Variants in CCBE1 observed in about 807,000 individuals in gnomAD.
CCBE1 encodes collagen and calcium-binding EGF domain-containing protein 1.
CCBE1 carries 37 observed loss-of-function variants against 50.0 expected under a neutral mutation model. The ratio of observed to expected loss-of-function variants is 0.74; its 90% CI spans 0.57 to 0.97. The LOEUF (loss-of-function observed/expected upper bound fraction) is 0.97, where lower values mean the gene tolerates loss of function less well. Among genes scored for constraint, CCBE1 ranks in the 50% least tolerant of loss-of-function variants. The pLI is 0.00. For synonymous variants in CCBE1, 234 were observed against 203.7 expected (o/e 1.15, Z -1.27); for missense variants, 538 against 523.8 (o/e 1.03, Z -0.26).
chr18:59,487,735 T>G (rs1040883411), intron 2 of CCBE1, among the ~76,000 whole-genome samples: 22 of 152,224 alleles, frequency 1.4e-4, no homozygotes, highest in Admixed American at 2.0e-4. Flanking sequence ...CATAACTTGC[T>G]AACACGTACA....
chr18:59,657,009 G>A lies in CCBE1; in HGVS notation c.212+39620C>T, dbSNP rs185444327. ...ATTCATCCCCTGGGAGCAATGGAAT[G>A]GACAGGCCAGGACCCCAGAATGTCT... On this transcript the variant is annotated intron_variant, in intron 2 of 10. Transcript: ENST00000439986. 2.1e-3 allele frequency among the ~76,000 whole-genome samples: 314 copies of A among 152,290 alleles called. 3 individuals carry two copies. Among genetic ancestry groups the A allele is most frequent in the African/African-American group, 7.2e-3 (299 of 41,560 alleles).
At chr18:59,536,842 A>G (rs375475544) in intron 2 of CCBE1, among the ~76,000 whole-genome samples, 5 of 152,136 alleles carry the variant, frequency 3.3e-5, no homozygotes, top group African/African-American at 1.2e-4. Flanking sequence ...GCAAAAAAAC[A>G]TTAGCTGGGC....
intron 2 of CCBE1, among the ~76,000 whole-genome samples, chr18:59,508,152 A>G (rs1275233849): frequency 6.6e-6 from 1 of 151,630 alleles, no homozygotes; most frequent in East Asian, 2.0e-4. Flanking sequence ...CGGCCTCCCA[A>G]AGTGCTGGGA....
chr18:59,539,530 AC>A (rs2144377113), intron 2 of CCBE1, among the ~76,000 whole-genome samples: 1 of 150,432 alleles, frequency 6.6e-6, no homozygotes, highest in Admixed American at 6.7e-5. Flanking sequence ...CAAATTGCTC[AC>A]CAACAGAAAC....
At chr18:59,691,490 C>T (rs2054732363) in intron 2 of CCBE1, among the ~76,000 whole-genome samples, 1 of 152,344 alleles carries the variant, frequency 6.6e-6, no homozygotes, top group African/African-American at 2.4e-5. Flanking sequence ...ACCACAACCT[C>T]CGCCTCCCAG....
At chr18:59,547,072 G>GGAGAGAAA (rs1915723710) in intron 2 of CCBE1, among the ~76,000 whole-genome samples, 2 of 61,702 alleles carry the variant, frequency 3.2e-5, no homozygotes, top group African/African-American at 9.2e-5. Context: ...GGGGAGAGAG[G>GGAGAGAAA]GGGAGAGAAA....
At chr18:59,533,144 C>T (rs1237811165) in intron 2 of CCBE1, among the ~76,000 whole-genome samples, 1 of 152,070 alleles carries the variant, frequency 6.6e-6, no homozygotes, top group Non-Finnish European at 1.5e-5. Context: ...TATGTTCAAA[C>T]AAAATCTTTA....
intron 2 of CCBE1, among the ~76,000 whole-genome samples, chr18:59,546,172 A>G (rs1358507182): frequency 6.6e-6 from 1 of 152,186 alleles, no homozygotes; most frequent in Non-Finnish European, 1.5e-5. Flanking sequence ...ATATTTGTAG[A>G]TTTTCCAATG....
intron 2 of CCBE1, among the ~76,000 whole-genome samples, chr18:59,650,890 T>A (rs1219093140): frequency 2.6e-5 from 4 of 151,706 alleles, no homozygotes; most frequent in Non-Finnish European, 2.9e-5. Context: ...AAACAAAGAT[T>A]CCTTTCCTGG....
intron 2 of CCBE1, among the ~76,000 whole-genome samples, chr18:59,483,043 A>C (rs534590378): frequency 5.2e-4 from 79 of 152,150 alleles, no homozygotes; most frequent in Non-Finnish European, 3.5e-4. Flanking sequence ...TGTCACCTAC[A>C]GCCTATCATG....
At chr18:59,472,645 A>G (rs1342040318) in intron 3 of CCBE1, among the ~76,000 whole-genome samples, 1 of 152,222 alleles carries the variant, frequency 6.6e-6, no homozygotes, top group Non-Finnish European at 1.5e-5. Context: ...CCCAGCCTAC[A>G]GCTGCCTCCA....
Position 59,477,328 on chromosome 18 carries a change from C to T in CCBE1, c.265+2858G>A, listed in dbSNP as rs113780811. 3.3e-3 allele frequency among the ~76,000 whole-genome samples: 502 copies of T among 152,292 alleles called. 4 individuals are homozygous for T. The highest frequency in any genetic ancestry group is 6.8e-3 in the Middle Eastern group (2 of 294). ...TTCAGGCAGGGCTAACGTCTCAGAT[C>T]CTTCAGGAATGAAGGTGTGGGTCAC... On this transcript the variant is annotated intron_variant, in intron 3 of 10. Transcript: ENST00000439986.
Position 59,491,835 on chromosome 18 carries a change from C to CAAACAAACA in CCBE1, c.213-11598_213-11597insTGTTTGTTT, listed in dbSNP as rs71177029. Among the ~76,000 whole-genome samples, 375 of 148,724 alleles carry CAAACAAACA rather than the reference C, an allele frequency of 2.5e-3. 1 individual carries two copies. Among genetic ancestry groups the CAAACAAACA allele is most frequent in the African/African-American group, 8.8e-3 (355 of 40,568 alleles). ...GTCTCCAAACAAACAAACAAACAAA[C>CAAACAAACA]AAAAAAAAACGTTTCATGGTCTATT... On this transcript the variant is annotated intron_variant, in intron 2 of 10. Transcript: ENST00000439986.
chr18:59,451,945 CCTTT>C lies in CCBE1; in HGVS notation c.654+2902_654+2905del, dbSNP rs1052743874. Among the ~76,000 whole-genome samples the C allele has an allele frequency of 5.4e-3, 599 of 111,780 alleles. 4 individuals are homozygous for C. Among genetic ancestry groups the C allele is most frequent in the African/African-American group, 0.019 (562 of 28,844 alleles). 73.3% of individuals were successfully genotyped at this position (111,780 alleles called of 152,430 possible). ...CTCTTCCCCAACAAGTCACCACTTTCCTTTCATAGTAATAACTTCCTATGTTTTA... is the reference window on the plus strand; with the variant it reads ...CTCTTCCCCAACAAGTCACCACTTTCCATAGTAATAACTTCCTATGTTTTA... On this transcript the variant is annotated intron_variant, in intron 6 of 10. Coordinates refer to ENST00000439986, the MANE Select transcript of CCBE1 (RefSeq NM_133459.4).
chr18:59,601,646 C>T (rs1164041732), intron 2 of CCBE1, among the ~76,000 whole-genome samples: 2 of 152,208 alleles, frequency 1.3e-5, no homozygotes, highest in Non-Finnish European at 2.9e-5. Flanking sequence ...GAACCACCCA[C>T]CTTGATCTCC....
intron 2 of CCBE1, among the ~76,000 whole-genome samples, chr18:59,590,116 C>T (rs1168759182): frequency 6.6e-6 from 1 of 152,184 alleles, no homozygotes; most frequent in East Asian, 1.9e-4. Flanking sequence ...AACACAGACA[C>T]TACCCCCACT....
At chr18:59,680,223 A>T (rs2054567777) in intron 2 of CCBE1, among the ~76,000 whole-genome samples, 1 of 73,660 alleles carries the variant, frequency 1.4e-5, no homozygotes, top group African/African-American at 5.4e-5. Context: ...CCCTTTTCAA[A>T]AAAGAAAAAA....
intron 7 of CCBE1, among the ~76,000 whole-genome samples, chr18:59,445,585 G>A (rs1188473412): frequency 1.3e-5 from 2 of 152,154 alleles, no homozygotes; most frequent in Admixed American, 1.3e-4. Flanking sequence ...ATTTAGATAA[G>A]TCTTTTTTAG....
chr18:59,632,560 C>T (rs563697599), intron 2 of CCBE1, among the ~76,000 whole-genome samples: 2 of 151,838 alleles, frequency 1.3e-5, no homozygotes, highest in Non-Finnish European at 2.9e-5. Context: ...AGGCGTGAGC[C>T]ACTGTGCCCA....
Sources: allele counts gnomAD v4.1 joint callset (sites outside exome capture counted in the v4.1 genomes callset), GRCh38; gene constraint gnomAD v4.1.1; transcripts MANE v1.5; gene names NCBI Gene and HGNC (gene_info 2026-07-23, HGNC 2026-07-21).